Variants in CRMP1 observed in about 807,000 individuals in gnomAD.
CRMP1 encodes the protein collapsin response mediator protein 1, also known as dihydropyrimidinase-related protein 1.
In CRMP1, 19 loss-of-function variants were observed where a neutral mutation model predicts 68.3. The ratio of observed to expected loss-of-function variants is 0.28; its 90% CI spans 0.19 to 0.41. The LOEUF (loss-of-function observed/expected upper bound fraction) is 0.41, where lower values mean the gene tolerates loss of function less well. Among genes scored for constraint, CRMP1 ranks in the 10% least tolerant of loss-of-function variants. The pLI is 1.00. For synonymous variants in CRMP1, 439 were observed against 399.6 expected (o/e 1.10, Z -1.18); for missense variants, 791 against 967.4 (o/e 0.82, Z 2.42).
chr4:5,869,548 G>C (rs1003890996), intron 1 of CRMP1, among the ~76,000 whole-genome samples: 4 of 151,992 alleles, frequency 2.6e-5, no homozygotes, highest in African/African-American at 4.8e-5. Flanking sequence ...GCCAGGTGTG[G>C]TGGCAGACGC....
In CRMP1 at chr4:5,861,934, C is replaced by G. The variant is rs1276146943; in HGVS notation, c.471-724G>C. 6.6e-6 allele frequency among the ~76,000 whole-genome samples: 1 copy of G among 152,204 alleles called. No homozygotes were observed. The highest frequency in any genetic ancestry group is 2.4e-5 in the African/African-American group (1 of 41,452). ...ACAAAAAACCCTAGTAATAAAGACA[C>G]AGGAAGATGCTGCTTCAGTGACCAA... On this transcript the variant is annotated intron_variant, in intron 2 of 13. Coordinates refer to ENST00000324989, the MANE Select transcript of CRMP1 (RefSeq NM_001014809.3). The surrounding 1 kb of genome is among the most constrained non-coding windows in gnomAD (Gnocchi z 6.0).
At position 5,889,927 on chromosome 4, in the gene CRMP1, A is replaced by G. The variant is rs1715861769; in HGVS notation, c.381+2662T>C. ...ACACTAGGCATAATTTTCCCATTTT[A>G]CAGACAGGAAATTGAGGCTTACAGA... On this transcript the variant is annotated intron_variant, in intron 1 of 13. Transcript: ENST00000324989. The surrounding 1 kb of genome is among the most constrained non-coding windows in gnomAD (Gnocchi z 4.5). 1 of 1,376,066 alleles carries G rather than the reference A, an allele frequency of 7.3e-7. No homozygotes were observed. Among genetic ancestry groups the G allele is most frequent in the Non-Finnish European group, 9.4e-7 (1 of 1,062,752 alleles). The allele number at this position is 1,376,066 out of a possible 1,614,324, so 85.2% of individuals were successfully genotyped here. A position where few individuals can be genotyped will look rare whatever the true frequency, so the allele number is the denominator to read the frequency against.
intron 11 of CRMP1, among the ~76,000 whole-genome samples, chr4:5,830,507 A>G (rs981003697): frequency 6.6e-6 from 1 of 152,266 alleles, no homozygotes; most frequent in East Asian, 1.9e-4. Flanking sequence ...TCTTTGAACC[A>G]TGGTTTGATT....
rs1198457023 is a variant in CRMP1, at chr4:5,841,186, C to G, written c.1153+122G>C. Reference sequence around the variant, plus strand: ...CCACCATCCTTGTGTCAGGAGCATCCCCGCTCCACCCCTCCCTCCTCCGGC... The same window carrying G: ...CCACCATCCTTGTGTCAGGAGCATCGCCGCTCCACCCCTCCCTCCTCCGGC... On this transcript the variant is annotated intron_variant, in intron 8 of 13. Coordinates refer to ENST00000324989, the MANE Select transcript of CRMP1 (RefSeq NM_001014809.3). This position sits in a 1 kb window ranked among gnomAD's most constrained non-coding sequence, Gnocchi z 6.9. 1 of 1,472,600 alleles carries G rather than the reference C, an allele frequency of 6.8e-7. No individual in the cohort carries two copies. Among genetic ancestry groups the G allele is most frequent in the East Asian group, 2.3e-5 (1 of 44,052 alleles). The allele number at this position is 1,472,600 out of a possible 1,614,324, so 91.2% of individuals were successfully genotyped here. A position where few individuals can be genotyped will look rare whatever the true frequency, so the allele number is the denominator to read the frequency against.
rs1295548718 is a variant in CRMP1, at chr4:5,825,575, C to G, written c.1888G>C (p.Ala630Pro). 1 of 1,600,988 alleles carries G rather than the reference C, an allele frequency of 6.2e-7. No individual in the cohort carries two copies. Residue 630 changes from alanine to proline, a missense_variant, in exon 13 of 14, where the codon GCT (alanine) becomes CCT (proline). Transcript: ENST00000324989. This position sits in a 1 kb window ranked among gnomAD's most constrained non-coding sequence, Gnocchi z 4.4. Reference sequence around the variant, plus strand: ...GAAGGCGAAGATTTGGCTGAAGGAGCGGGAGTTGCATATTTGGGTGTAGCT... The same window carrying G: ...GAAGGCGAAGATTTGGCTGAAGGAGGGGGAGTTGCATATTTGGGTGTAGCT... ...VPATPKYATP[A>P]PSAKSSPSKH...
chr4:5,852,886 A>T (rs897966353), intron 4 of CRMP1, among the ~76,000 whole-genome samples: 37 of 152,266 alleles, frequency 2.4e-4, no homozygotes, highest in African/African-American at 8.9e-4. Flanking sequence ...AATCGCTAGG[A>T]AAAGGCAGGG....
In CRMP1 at chr4:5,866,561, G is replaced by T. The variant is rs934889680; in HGVS notation, c.470+107C>A. On this transcript the variant is annotated intron_variant, in intron 2 of 13. Coordinates refer to ENST00000324989, the MANE Select transcript of CRMP1 (RefSeq NM_001014809.3). This position sits in a 1 kb window ranked among gnomAD's most constrained non-coding sequence, Gnocchi z 5.9. Reference sequence around the variant, plus strand: ...TGAGGTCTCTACCCCTGAAACACAGGTACACAGCCCCGTCATTCTAGGACA... The same window carrying T: ...TGAGGTCTCTACCCCTGAAACACAGTTACACAGCCCCGTCATTCTAGGACA... The T allele has an allele frequency of 1.3e-6, 1 of 784,554 alleles. No individual in the cohort carries two copies. Among genetic ancestry groups the T allele is most frequent in the Non-Finnish European group, 2.1e-6 (1 of 475,430 alleles). 48.6% of individuals were successfully genotyped at this position (784,554 alleles called of 1,614,324 possible). A position where few individuals can be genotyped will look rare whatever the true frequency, so the allele number is the denominator to read the frequency against.
chr4:5,862,333 C>A (rs10223007), intron 2 of CRMP1, among the ~76,000 whole-genome samples: 1 of 147,562 alleles, frequency 6.8e-6, no homozygotes, highest in South Asian at 2.1e-4. Flanking sequence ...GAATGTCCAC[C>A]GCCGCTGCTT....
chr4:5,871,727 G>A (rs184871587), intron 1 of CRMP1, among the ~76,000 whole-genome samples: 13 of 152,270 alleles, frequency 8.5e-5, no homozygotes, highest in Admixed American at 2.6e-4. Flanking sequence ...ATGTCTTTAT[G>A]ACAGAACTTT....
Position 5,838,855 on chromosome 4 carries a change from C to T in CRMP1, c.1310+667G>A, listed in dbSNP as rs925641929. 3.3e-5 allele frequency among the ~76,000 whole-genome samples: 5 copies of T among 152,190 alleles called. No individual in the cohort carries two copies. Among genetic ancestry groups the T allele is most frequent in the African/African-American group, 1.2e-4 (5 of 41,466 alleles). On this transcript the variant is annotated intron_variant, in intron 9 of 13. Coordinates refer to ENST00000324989, the MANE Select transcript of CRMP1 (RefSeq NM_001014809.3). This position sits in a 1 kb window ranked among gnomAD's most constrained non-coding sequence, Gnocchi z 4.9. ...TCATCCCCAAGCTTTAGTCTTGATGCCCCCTCCTCCAGAAAGCCTTCTGCA... is the reference window on the plus strand; with the variant it reads ...TCATCCCCAAGCTTTAGTCTTGATGTCCCCTCCTCCAGAAAGCCTTCTGCA...
In CRMP1 at chr4:5,889,465, C is replaced by G. The variant is rs1035571377; in HGVS notation, c.381+3124G>C. Among the ~76,000 whole-genome samples the G allele has an allele frequency of 6.6e-6, 1 of 152,090 alleles. No individual in the cohort carries two copies. Among genetic ancestry groups the G allele is most frequent in the African/African-American group, 2.4e-5 (1 of 41,392 alleles). On this transcript the variant is annotated intron_variant, in intron 1 of 13. Coordinates refer to ENST00000324989, the MANE Select transcript of CRMP1 (RefSeq NM_001014809.3). This position sits in a 1 kb window ranked among gnomAD's most constrained non-coding sequence, Gnocchi z 4.5. ...CCCGGAGTCCATGATCCAGATGTTG[C>G]TCCAGAGGGAGGTGGGCAGGAAGCC...
intron 3 of CRMP1, among the ~76,000 whole-genome samples, chr4:5,857,199 TCATCACCACCCCATCACCAGCACCAC>T (rs1391405135): frequency 6.6e-6 from 1 of 151,056 alleles, no homozygotes; most frequent in African/African-American, 2.4e-5. Flanking sequence ...TCCACCACCA[TCATCACCACCCCATCACCAGCACCAC>T]CATCATCACC....
At position 5,839,505 on chromosome 4, in the gene CRMP1, G is replaced by A. The variant is rs200999477; in HGVS notation, c.1310+17C>T. ...CCCCAGCTGCCTCCCCCAGCCCCAC[G>A]TTCTCACAGGTCTCACCAGGCCAGT... On this transcript the variant is annotated intron_variant, in intron 9 of 13. Coordinates refer to ENST00000324989, the MANE Select transcript of CRMP1 (RefSeq NM_001014809.3). The A allele has an allele frequency of 3.8e-4, 613 of 1,596,944 alleles. 1 individual carries two copies. In the African/African-American group the frequency reaches 6.9e-3, roughly 18 times the overall value.
At chr4:5,845,038 G>A (rs116636508) in intron 6 of CRMP1, among the ~76,000 whole-genome samples, 2,458 of 152,356 alleles carry the variant, frequency 0.016, 32 homozygotes, top group Non-Finnish European at 0.025. Context: ...AAAAGCTAGT[G>A]CTATGCCTGG....
At position 5,865,546 on chromosome 4, in the gene CRMP1, G is replaced by T. The variant is rs1469343211; in HGVS notation, c.470+1122C>A. 1.3e-5 allele frequency among the ~76,000 whole-genome samples: 2 copies of T among 151,514 alleles called. No individual in the cohort carries two copies. Among genetic ancestry groups the T allele is most frequent in the Non-Finnish European group, 2.9e-5 (2 of 67,878 alleles). ...TGAGGCAGGGGAGTCGATTGAACCC[G>T]GGAAGTGGAGGTTGCAGTGAGCCGA... is the stretch of plus-strand genomic sequence containing the variant. On this transcript the variant is annotated intron_variant, in intron 2 of 13. Transcript: ENST00000324989. The surrounding 1 kb of genome is among the most constrained non-coding windows in gnomAD (Gnocchi z 4.1).
chr4:5,861,155 C>G lies in CRMP1; in HGVS notation c.526G>C (p.Gly176Arg), dbSNP rs1352884103. The change falls in exon 3 of 14, where the codon GGG (glycine) becomes CGG (arginine). Residue 176 changes from glycine (G) to arginine (R), a missense_variant. Gly to Arg is a moderately radical substitution (Grantham distance 125, BLOSUM62 -2). Transcript: ENST00000324989. The surrounding 1 kb of genome is among the most constrained non-coding windows in gnomAD (Gnocchi z 6.0). ...ATACCTCCGGGAATAACCATCCGCC[C>G]GTTGGCTTCAATGGTCTTCACTCCA... is the stretch of plus-strand genomic sequence containing the variant. Reference protein sequence around the residue: ...PGGVKTIEANGRMVIPGGIDV... With the variant: ...PGGVKTIEANRRMVIPGGIDV... 1 of 1,614,082 alleles carries G rather than the reference C, an allele frequency of 6.2e-7. No homozygotes were observed. Among genetic ancestry groups the G allele is most frequent in the Admixed American group, 1.7e-5 (1 of 59,996 alleles).
chr4:5,880,292 T>C (rs1234065486), intron 1 of CRMP1, among the ~76,000 whole-genome samples: 3 of 152,182 alleles, frequency 2.0e-5, no homozygotes, highest in Non-Finnish European at 2.9e-5. Flanking sequence ...AAATTTTACA[T>C]AATTTAAAAG....
At chr4:5,868,964 T>C (rs1714242368) in intron 1 of CRMP1, among the ~76,000 whole-genome samples, 2 of 152,158 alleles carry the variant, frequency 1.3e-5, no homozygotes, top group Admixed American at 1.3e-4. Flanking sequence ...CTTTTTTCTT[T>C]TTTTCGAGAC....
In CRMP1 at chr4:5,836,818, C is replaced by T. The variant is rs1299174133; in HGVS notation, c.1399G>A (p.Glu467Lys). Reference sequence around the variant, plus strand: ...CGCTCCTCTATCCCGTTGACACCCTCGGGGATCAGGGTAAAGTTGTCCTTG... The same window carrying T: ...CGCTCCTCTATCCCGTTGACACCCTTGGGGATCAGGGTAAAGTTGTCCTTG... ...VGKDNFTLIP[E>K]GVNGIEERMT... Residue 467 changes from glutamate (E) to lysine (K), a missense_variant, in exon 10 of 14, where the codon GAG becomes AAG. By Grantham distance (56) the Glu-to-Lys change is moderately conservative. This residue lies in a region of CRMP1 where 594 missense variants were observed against 763.6 expected (regional missense o/e 0.78). Transcript: ENST00000324989. The T allele has an allele frequency of 4.3e-6, 7 of 1,613,924 alleles. No homozygotes were observed. The highest frequency in any genetic ancestry group is 2.7e-5 in the African/African-American group (2 of 74,928).
Sources: gnomAD v4.1 joint callset for allele counts (sites outside exome capture counted in the v4.1 genomes callset) on GRCh38, gnomAD v4.1.1 for gene constraint, gnomAD v4.1.1 regional missense constraint, Gnocchi (gnomAD v3.1) non-coding constraint, MANE v1.5 for transcripts, NCBI Gene and HGNC (gene_info 2026-07-23, HGNC 2026-07-21) for gene names.